ZNF721: variants seen among roughly 807,000 people sequenced by gnomAD.
ZNF721 encodes the protein zinc finger protein 721.
ZNF721 carries 2 observed loss-of-function variants against 2.4 expected under a neutral mutation model. The observed-to-expected ratio is 0.82, with a 90% confidence interval of 0.34 to 2.58. The LOEUF (loss-of-function observed/expected upper bound fraction) is 2.58. ZNF721 is among the 30% of genes most tolerant of loss of function. The pLI is 0.11. For missense variants in ZNF721, 1,187 were observed against 1,085.5 expected, an observed-to-expected ratio of 1.09 and a Z score of -1.31; for synonymous variants, 398 against 381.8, an observed-to-expected ratio of 1.04 and a Z score of -0.50.
Position 446,847 on chromosome 4 carries a change from C to T in ZNF721, c.35-2415G>A, listed in dbSNP as rs945138593. On this transcript the variant is annotated intron_variant, in intron 2 of 2. Coordinates refer to ENST00000511833, the MANE Select transcript of ZNF721 (RefSeq NM_133474.4). The stretch of plus-strand genomic sequence containing the variant: ...AGCTGGGACTACAGGCGCACCACCA[C>T]GCCCAGCAAATTTTTGCATTTCTGG... Among the ~76,000 whole-genome samples, 9 of 152,132 alleles carry T rather than the reference C, an allele frequency of 5.9e-5. No individual in the cohort carries two copies. In the East Asian group the frequency reaches 1.6e-3, roughly 26 times the overall value.
Position 469,734 on chromosome 4 carries a change from C to T in ZNF721, c.34+2841G>A, listed in dbSNP as rs187559990. On this transcript the variant is annotated intron_variant, in intron 2 of 2. Coordinates refer to ENST00000511833, the MANE Select transcript of ZNF721 (RefSeq NM_133474.4). ...ATGTGCATAAACACACATACAAAAA[C>T]CAATGAACAGAATAGAGAGCCCAGA... Among the ~76,000 whole-genome samples the T allele has an allele frequency of 6.6e-3, 1,002 of 152,200 alleles. 10 individuals carry two copies. Among genetic ancestry groups the T allele is most frequent in the Middle Eastern group, 0.051 (15 of 294 alleles).
intron 1 of ZNF721, among the ~76,000 whole-genome samples, chr4:482,003 A>G (rs1273734111): frequency 6.6e-6 from 1 of 152,240 alleles, no homozygotes; most frequent in African/African-American, 2.4e-5. Context: ...CATTATATAT[A>G]ATTTTAATAG....
chr4:445,250 C>G (rs189936884), intron 2 of ZNF721, among the ~76,000 whole-genome samples: 5 of 152,124 alleles, frequency 3.3e-5, no homozygotes, highest in African/African-American at 1.2e-4. Context: ...CCTAAAGTTG[C>G]TGGGATTACA....
Position 441,672 on chromosome 4 carries a change from A to T in ZNF721, c.*23T>A. 2 of 1,561,144 alleles carry T rather than the reference A, an allele frequency of 1.3e-6. No homozygotes were observed. The highest frequency in any genetic ancestry group is 1.2e-5 in the South Asian group (1 of 85,486). Reference sequence around the variant, plus strand: ...TTATGTTTAAGAATGCTGTAGTATGACTTAAAGGCTTTGCCACATTCTTTA... The same window carrying T: ...TTATGTTTAAGAATGCTGTAGTATGTCTTAAAGGCTTTGCCACATTCTTTA... On this transcript the variant is annotated 3_prime_UTR_variant, in exon 3 of 3. Transcript: ENST00000511833.
At position 444,008 on chromosome 4, in the gene ZNF721, A is replaced by T. The variant is rs1387555339; in HGVS notation, c.459T>A (p.Asn153Lys). 6.2e-7 allele frequency: 1 copy of T among 1,613,644 alleles called. No homozygotes were observed. The highest frequency in any genetic ancestry group is 8.5e-7 in the Non-Finnish European group (1 of 1,179,742). The change falls in exon 3 of 3, where the codon AAT (asparagine) becomes AAA (lysine). Residue 153 changes from asparagine to lysine, a missense_variant. Physicochemically the swap from Asn to Lys is moderately conservative, Grantham distance 94 (BLOSUM62 0). Coordinates refer to ENST00000511833, the MANE Select transcript of ZNF721 (RefSeq NM_133474.4). ...CTCCAGTATGAATTTTCTTGTGTTGATTCAGGTCTGTGTACCATCCAAAGT... is the reference window on the plus strand; with the variant it reads ...CTCCAGTATGAATTTTCTTGTGTTGTTTCAGGTCTGTGTACCATCCAAAGT... ...GKDFGWYTDL[N>K]QHKKIHTGEK...
At chr4:465,470 C>A (rs1158887283) in intron 2 of ZNF721, among the ~76,000 whole-genome samples, 2 of 149,020 alleles carry the variant, frequency 1.3e-5, no homozygotes. Flanking sequence ...CTCACTCTGT[C>A]GCCCAGGCTG....
In ZNF721 at chr4:440,791, G is replaced by C. The variant is rs1553862996; in HGVS notation, c.*904C>G. On this transcript the variant is annotated 3_prime_UTR_variant, in exon 3 of 3. Coordinates refer to ENST00000511833, the MANE Select transcript of ZNF721 (RefSeq NM_133474.4). Reference sequence around the variant, plus strand: ...AGCCATTCTCCTGTCTCAGCCTCCTGAGTAGCTGGGATTACAGCCATGCAC... The same window carrying C: ...AGCCATTCTCCTGTCTCAGCCTCCTCAGTAGCTGGGATTACAGCCATGCAC... 6.6e-6 allele frequency: 1 copy of C among 152,260 alleles called. No homozygotes were observed. Among genetic ancestry groups the C allele is most frequent in the Non-Finnish European group, 1.5e-5 (1 of 68,118 alleles). 9.4% of individuals were successfully genotyped at this position (152,260 alleles called of 1,614,324 possible).
Position 442,914 on chromosome 4 carries a change from T to A in ZNF721, c.1553A>T (p.Lys518Ile). 1 of 1,613,256 alleles carries A rather than the reference T, an allele frequency of 6.2e-7. No homozygotes were observed. Among genetic ancestry groups the A allele is most frequent in the Non-Finnish European group, 8.5e-7 (1 of 1,179,746 alleles). ...KAFTSSTTLT[K>I]HRRIHTGEKP... is the part of the protein sequence containing the mutation. ...CTCTCCAGTATGAATTCTCCTATGT[T>A]TAGTAAGGGTTGTGGAACTAGTAAA... Residue 518 changes from lysine (K) to isoleucine (I), a missense_variant, in exon 3 of 3, where the codon AAA (lysine) becomes ATA (isoleucine). Coordinates refer to ENST00000511833, the MANE Select transcript of ZNF721 (RefSeq NM_133474.4).
intron 1 of ZNF721, among the ~76,000 whole-genome samples, chr4:481,325 C>A (rs1247451753): frequency 6.6e-6 from 1 of 152,166 alleles, no homozygotes; most frequent in Admixed American, 6.5e-5. Context: ...TGCTCTGTAT[C>A]CTTGACAACA....
chr4:498,767 C>G (rs1268611004), intron 1 of ZNF721, among the ~76,000 whole-genome samples: 2 of 144,978 alleles, frequency 1.4e-5, no homozygotes, highest in Non-Finnish European at 3.0e-5. Flanking sequence ...GCTCTGTTGC[C>G]AGGCAGAAGT....
rs1332866115 is a variant in ZNF721 at position 490,486 on chromosome 4, A to C, written c.-94+8570T>G. On this transcript the variant is annotated intron_variant, in intron 1 of 2. Transcript: ENST00000511833. ...CCGTCTCAAAAAAATAAAAATAAAA[A>C]TAAAAAATAAAAAAATAAAATTATC... 1.2e-4 allele frequency among the ~76,000 whole-genome samples: 18 copies of C among 152,104 alleles called. No homozygotes were observed. The South Asian group carries it at 2.1e-3, about 18-fold the overall frequency.
intron 2 of ZNF721, among the ~76,000 whole-genome samples, chr4:452,460 C>T (rs1576956292): frequency 1.3e-5 from 2 of 152,230 alleles, no homozygotes; most frequent in African/African-American, 4.8e-5. Context: ...ATATGCCCCA[C>T]ATGGGTAACA....
chr4:468,371 A>G (rs1272144298), intron 2 of ZNF721, among the ~76,000 whole-genome samples: 1 of 151,940 alleles, frequency 6.6e-6, no homozygotes, highest in Non-Finnish European at 1.5e-5. Flanking sequence ...CGGAGGTTGC[A>G]GTGAGCCAAG....
chr4:492,173 A>C (rs1716041035), intron 1 of ZNF721, among the ~76,000 whole-genome samples: 1 of 140,846 alleles, frequency 7.1e-6, no homozygotes, highest in African/African-American at 2.8e-5. Context: ...AAAAAAAAAA[A>C]AACAAACAAA....
At chr4:480,151 A>G (rs1553869161) in intron 1 of ZNF721, among the ~76,000 whole-genome samples, 1 of 152,214 alleles carries the variant, frequency 6.6e-6, no homozygotes, top group Non-Finnish European at 1.5e-5. Context: ...CAATCACATT[A>G]TGCATGTATT....
intron 2 of ZNF721, among the ~76,000 whole-genome samples, chr4:472,217 T>C (rs781951777): frequency 6.6e-6 from 1 of 152,196 alleles, no homozygotes; most frequent in Non-Finnish European, 1.5e-5. Context: ...CCTGCCACCA[T>C]GCCCAGCTAG....
chr4:446,965 CG>C (rs1178189435), intron 2 of ZNF721, among the ~76,000 whole-genome samples: 2 of 152,178 alleles, frequency 1.3e-5, no homozygotes, highest in African/African-American at 4.8e-5. Context: ...GGATTACACA[CG>C]TGAGTCACCG....
chr4:474,388 T>G (rs1243713469), intron 1 of ZNF721, among the ~76,000 whole-genome samples: 1 of 152,206 alleles, frequency 6.6e-6, no homozygotes, highest in Non-Finnish European at 1.5e-5. Context: ...AGGGTTCATT[T>G]TAACCTTCTG....
chr4:476,537 T>C (rs1441513000), intron 1 of ZNF721, among the ~76,000 whole-genome samples: 1 of 152,234 alleles, frequency 6.6e-6, no homozygotes, highest in Non-Finnish European at 1.5e-5. Context: ...TCTCTGCTAT[T>C]ACCCTTATTT....
Sources: allele counts gnomAD v4.1 joint callset (sites outside exome capture counted in the v4.1 genomes callset), GRCh38; gene constraint gnomAD v4.1.1; transcripts MANE v1.5; gene names NCBI Gene and HGNC (gene_info 2026-07-23, HGNC 2026-07-21).